Variants in IQGAP2 observed in about 807,000 individuals in gnomAD.
IQGAP2 encodes the protein ras GTPase-activating-like protein IQGAP2.
Under a neutral mutation model 201.3 loss-of-function variants are expected in IQGAP2, and 173 were observed. The ratio of observed to expected loss-of-function variants is 0.86; its 90% CI spans 0.76 to 0.98. The LOEUF is 0.98. Ranked by LOEUF, IQGAP2 falls within the 50% of genes least tolerant of loss-of-function variation. The pLI is 0.00. For missense variants in IQGAP2, 1,687 were observed against 1,864.8 expected, an observed-to-expected ratio of 0.90 and a Z score of 1.76; for synonymous variants, 675 against 673.9, an observed-to-expected ratio of 1.00 and a Z score of -0.03.
intron 13 of IQGAP2, chr5:76,618,490 C>T: frequency 1.2e-6 from 2 of 1,614,186 alleles, no homozygotes; most frequent in Admixed American, 3.3e-5. Context: ...GAAGCACTTT[C>T]TTCAGGGCAC....
At chr5:76,697,897 A>G (rs942139542) in intron 32 of IQGAP2, 90 bp from the exon 33 acceptor site, 9 of 943,298 alleles carry the variant, frequency 9.5e-6, no homozygotes, top group Non-Finnish European at 1.4e-5. Flanking sequence ...ATAGCGACTT[A>G]CTACTGCTTG....
At position 76,549,660 on chromosome 5, in the gene IQGAP2, G is replaced by A. The variant is rs193244640; in HGVS notation, c.147-12736G>A. Among the ~76,000 whole-genome samples the A allele has an allele frequency of 2.5e-3, 380 of 152,218 alleles. 2 individuals are homozygous for A. Among genetic ancestry groups the A allele is most frequent in the Non-Finnish European group, 2.2e-3 (152 of 68,014 alleles). ...CCAAGAGCAAGGTGTCAATGTGTTTGGTTTCTTCTGAGGCCTCTGTCCTCG... is the reference window on the plus strand; with the variant it reads ...CCAAGAGCAAGGTGTCAATGTGTTTAGTTTCTTCTGAGGCCTCTGTCCTCG... On this transcript the variant is annotated intron_variant, in intron 2 of 35. Transcript: ENST00000274364.
At chr5:76,672,041 G>A in intron 24 of IQGAP2, 58 bp downstream of exon 24, 1 of 1,284,168 alleles carries the variant, frequency 7.8e-7, no homozygotes, top group Non-Finnish European at 1.1e-6. Context: ...TTTTACATGT[G>A]TATTTATTGA....
intron 2 of IQGAP2, among the ~76,000 whole-genome samples, chr5:76,534,951 A>G (rs1759531648): frequency 1.3e-5 from 2 of 152,238 alleles, no homozygotes; most frequent in Non-Finnish European, 2.9e-5. Flanking sequence ...ATCCTTGGAC[A>G]TACATTAAAG....
chr5:76,652,943 G>T, intron 18 of IQGAP2, 110 bp downstream of exon 18: 1 of 715,576 alleles, frequency 1.4e-6, no homozygotes, highest in Non-Finnish European at 2.5e-6. Flanking sequence ...GAGCCTTGAA[G>T]TCAGAAGGCA....
chr5:76,610,074 CTCTATATATATATATA>C (rs1185198011), intron 12 of IQGAP2, among the ~76,000 whole-genome samples: 4 of 4,400 alleles, frequency 9.1e-4, no homozygotes, highest in African/African-American at 1.2e-3. Flanking sequence ...CTCTCTCTCT[CTCTATATATATATATA>C]TATATATATA....
chr5:76,602,083 G>A (rs1037138537), intron 11 of IQGAP2, among the ~76,000 whole-genome samples: 3 of 152,202 alleles, frequency 2.0e-5, no homozygotes, highest in African/African-American at 7.2e-5. Flanking sequence ...GTGCTCTAAA[G>A]AGCCTGCTGT....
chr5:76,403,607 G>A lies in IQGAP2; in HGVS notation c.46+16G>A. 1 of 1,524,574 alleles carries A rather than the reference G, an allele frequency of 6.6e-7. No homozygotes were observed. Among genetic ancestry groups the A allele is most frequent in the South Asian group, 1.2e-5 (1 of 81,772 alleles). The allele number at this position is 1,524,574 out of a possible 1,614,324, so 94.4% of individuals were successfully genotyped here. A position where few individuals can be genotyped will look rare whatever the true frequency, so the allele number is the denominator to read the frequency against. ...CGCTATGGCTGTAAGTGCGCCGGGCGCGCGGGGTTCCTGCTGGCCTTGGGG... is the reference window on the plus strand; with the variant it reads ...CGCTATGGCTGTAAGTGCGCCGGGCACGCGGGGTTCCTGCTGGCCTTGGGG... On this transcript the variant is annotated intron_variant, in intron 1 of 35. Transcript: ENST00000274364. The surrounding 1 kb of genome is among the most constrained non-coding windows in gnomAD (Gnocchi z 4.8).
chr5:76,700,507 A>G (rs1015691903), intron 33 of IQGAP2, among the ~76,000 whole-genome samples: 13 of 111,472 alleles, frequency 1.2e-4, no homozygotes, highest in Non-Finnish European at 2.2e-4. Context: ...ATCTCAAAAC[A>G]AAACAAAAAA....
intron 4 of IQGAP2, among the ~76,000 whole-genome samples, chr5:76,574,003 T>C (rs1449062237): frequency 6.6e-6 from 1 of 152,080 alleles, no homozygotes; most frequent in East Asian, 1.9e-4. Context: ...CTTAGGCTAC[T>C]GCCATTTCTT....
At chr5:76,503,973 A>G (rs548049106) in intron 2 of IQGAP2, among the ~76,000 whole-genome samples, 4 of 152,200 alleles carry the variant, frequency 2.6e-5, no homozygotes, top group Non-Finnish European at 4.4e-5. Flanking sequence ...GCTGTTTAGC[A>G]GTATCTACCT....
chr5:76,498,049 T>TA (rs958483034), intron 2 of IQGAP2, among the ~76,000 whole-genome samples: 1 of 152,194 alleles, frequency 6.6e-6, no homozygotes, highest in Non-Finnish European at 1.5e-5. Flanking sequence ...ATGGGCTTCT[T>TA]ACAGTTTGGA....
intron 1 of IQGAP2, among the ~76,000 whole-genome samples, chr5:76,425,285 C>T (rs1000750283): frequency 6.6e-6 from 1 of 152,142 alleles, no homozygotes; most frequent in African/African-American, 2.4e-5. Flanking sequence ...GAGACAGATT[C>T]TTCATTAAAA....
chr5:76,693,365 C>T lies in IQGAP2; in HGVS notation c.3916C>T (p.Leu1306=). The T allele has an allele frequency of 1.2e-6, 2 of 1,612,722 alleles. No individual in the cohort carries two copies. The highest frequency in any genetic ancestry group is 1.7e-6 in the Non-Finnish European group (2 of 1,179,182). Residue 1306 remains leucine (L), a synonymous_variant, in exon 31 of 36, where the codon CTG becomes TTG. Coordinates refer to ENST00000274364, the MANE Select transcript of IQGAP2 (RefSeq NM_006633.5). ...CTCTGGTTTGTTAAGGACCAAGAAG[C>T]TGATAATTGATGTGATCCGGAACCA... The part of the protein sequence containing the change: ...SRSLMIKTKK[L]IIDVIRNQPG...
At position 76,597,581 on chromosome 5, in the gene IQGAP2, C is replaced by T; in HGVS notation, c.1050C>T (p.Asn350=). The T allele has an allele frequency of 6.2e-7, 1 of 1,613,896 alleles. No homozygotes were observed. Among genetic ancestry groups the T allele is most frequent in the Non-Finnish European group, 8.5e-7 (1 of 1,179,960 alleles). The change falls in exon 10 of 36, where the codon AAC becomes AAT. Residue 350 remains asparagine (N), a synonymous_variant. Coordinates refer to ENST00000274364, the MANE Select transcript of IQGAP2 (RefSeq NM_006633.5). ...CCATGTATCAGAACGAACTTTTCAA[C>T]CTCCAGAAACAGAACACCATGGTAA... The part of the protein sequence containing the change: ...AAAMYQNELF[N]LQKQNTMNYL...
At chr5:76,603,937 T>A (rs1029254467) in intron 11 of IQGAP2, among the ~76,000 whole-genome samples, 1 of 152,166 alleles carries the variant, frequency 6.6e-6, no homozygotes, top group East Asian at 1.9e-4. Context: ...AAATACTCAA[T>A]TGGAAAAGCC....
chr5:76,511,109 A>G (rs939606390), intron 2 of IQGAP2, among the ~76,000 whole-genome samples: 1 of 152,116 alleles, frequency 6.6e-6, no homozygotes, highest in Non-Finnish European at 1.5e-5. Context: ...TCTTTATATA[A>G]CCCTATTATA....
At chr5:76,449,254 G>C (rs6892423) in intron 1 of IQGAP2, among the ~76,000 whole-genome samples, 1 of 152,096 alleles carries the variant, frequency 6.6e-6, no homozygotes, top group African/African-American at 2.4e-5. Flanking sequence ...TTTCTCTCCC[G>C]TCCTTCAAAC....
chr5:76,580,803 C>G (rs1745796860), intron 5 of IQGAP2, among the ~76,000 whole-genome samples: 1 of 152,160 alleles, frequency 6.6e-6, no homozygotes, highest in Admixed American at 6.5e-5. Flanking sequence ...CAGTCCTATC[C>G]TGATTATTTC....
Sources: gnomAD v4.1 joint callset for allele counts (sites outside exome capture counted in the v4.1 genomes callset) on GRCh38, gnomAD v4.1.1 for gene constraint, Gnocchi (gnomAD v3.1) non-coding constraint, MANE v1.5 for transcripts, NCBI Gene and HGNC (gene_info 2026-07-23, HGNC 2026-07-21) for gene names.